The following PRKN variants were observed in gnomAD, a reference collection of about 807,000 sequenced individuals.
PRKN encodes the protein parkin RBR E3 ubiquitin protein ligase, also known as E3 ubiquitin-protein ligase parkin.
PRKN carries 56 observed loss-of-function variants against 59.5 expected under a neutral mutation model. The observed-to-expected ratio is 0.94, with a 90% CI of 0.76 to 1.18. The LOEUF (loss-of-function observed/expected upper bound fraction) is 1.18. PRKN is among the 50% of genes most tolerant of loss of function. PRKN has a pLI of 0.00. For synonymous variants in PRKN, 250 were observed against 222.1 expected (o/e 1.13, Z -1.12); for missense variants, 657 against 596.4 (o/e 1.10, Z -1.06).
At chr6:161,681,614 C>T (rs948726105) in intron 7 of PRKN, among the ~76,000 whole-genome samples, 2 of 152,190 alleles carry the variant, frequency 1.3e-5, no homozygotes, top group Non-Finnish European at 2.9e-5. Flanking sequence ...ATTATCCACA[C>T]TGTGCTTTGA....
At chr6:162,415,590 C>T (rs1247914991) in intron 2 of PRKN, among the ~76,000 whole-genome samples, 1 of 152,026 alleles carries the variant, frequency 6.6e-6, no homozygotes, top group Non-Finnish European at 1.5e-5. Context: ...GAGGGTGAAG[C>T]GGGTAGGTCA....
chr6:162,615,286 T>C (rs780643933), intron 1 of PRKN, among the ~76,000 whole-genome samples: 10 of 152,220 alleles, frequency 6.6e-5, no homozygotes, highest in Non-Finnish European at 1.2e-4. Context: ...TAATGTTCAC[T>C]AGTGCTTCTC....
chr6:161,630,821 T>G (rs536840945), intron 7 of PRKN, among the ~76,000 whole-genome samples: 1 of 152,322 alleles, frequency 6.6e-6, no homozygotes, highest in African/African-American at 2.4e-5. Flanking sequence ...AAAGGGCTTG[T>G]AAAAGACCAC....
At chr6:161,704,278 C>G (rs2089684078) in intron 7 of PRKN, among the ~76,000 whole-genome samples, 1 of 152,114 alleles carries the variant, frequency 6.6e-6, no homozygotes, top group South Asian at 2.1e-4. Flanking sequence ...TGTATTCTCT[C>G]CAGCTGTTGG....
At chr6:162,079,744 A>G (rs1396043329) in intron 4 of PRKN, among the ~76,000 whole-genome samples, 1 of 152,058 alleles carries the variant, frequency 6.6e-6, no homozygotes, top group African/African-American at 2.4e-5. Flanking sequence ...ATAAGGAAAC[A>G]TAGAGTTATG....
intron 1 of PRKN, among the ~76,000 whole-genome samples, chr6:162,598,702 A>T (rs563905227): frequency 1.3e-3 from 191 of 151,978 alleles, no homozygotes; most frequent in African/African-American, 4.5e-3. Flanking sequence ...AAAATACAAA[A>T]ATTAGCTGGG....
intron 7 of PRKN, among the ~76,000 whole-genome samples, chr6:161,782,569 T>C (rs1406859439): frequency 6.6e-6 from 1 of 152,152 alleles, no homozygotes; most frequent in African/African-American, 2.4e-5. Flanking sequence ...AATGGAAATA[T>C]TTTACATATT....
intron 1 of PRKN, among the ~76,000 whole-genome samples, chr6:162,692,928 C>T (rs2128235402): frequency 6.6e-6 from 1 of 152,238 alleles, no homozygotes; most frequent in East Asian, 1.9e-4. Flanking sequence ...TATTATCTGA[C>T]TCCTTGGTCA....
chr6:161,908,431 A>G (rs1778231401), intron 6 of PRKN, among the ~76,000 whole-genome samples: 1 of 152,170 alleles, frequency 6.6e-6, no homozygotes, highest in Admixed American at 6.5e-5. Context: ...AATTTTCTGA[A>G]CCTCCTGGAA....
In PRKN at chr6:161,816,194, T is replaced by C. The variant is rs78845438; in HGVS notation, c.735-30286A>G. Among the ~76,000 whole-genome samples, 14 of 152,146 alleles carry C rather than the reference T, an allele frequency of 9.2e-5. No individual in the cohort carries two copies. In the East Asian group the frequency reaches 2.7e-3, roughly 30 times the overall value. ...TACCAACGAGGAGGGAGCTGGGACA[T>C]ATGCAGCAGCATGCGTGAGTCTTAA... is the stretch of plus-strand genomic sequence containing the variant. On this transcript the variant is annotated intron_variant, in intron 6 of 11. Transcript: ENST00000366898.
chr6:162,638,208 A>G (rs1583958474), intron 1 of PRKN, among the ~76,000 whole-genome samples: 1 of 95,984 alleles, frequency 1.0e-5, no homozygotes, highest in South Asian at 3.0e-4. Flanking sequence ...TATTATCCCT[A>G]TGTTTATTAC....
chr6:161,712,890 A>T (rs143032454), intron 7 of PRKN, among the ~76,000 whole-genome samples: 1 of 152,234 alleles, frequency 6.6e-6, no homozygotes, highest in Non-Finnish European at 1.5e-5. Flanking sequence ...CTTGCCACAT[A>T]TACCAAGCAG....
At chr6:162,198,943 C>T (rs1419169309) in intron 4 of PRKN, among the ~76,000 whole-genome samples, 2 of 152,114 alleles carry the variant, frequency 1.3e-5, no homozygotes, top group East Asian at 1.9e-4. Flanking sequence ...TTTTTTCCCA[C>T]ACAAAGCATA....
chr6:161,458,790 C>T lies in PRKN; in HGVS notation c.1084-71913G>A, dbSNP rs1307269847. On this transcript the variant is annotated intron_variant, in intron 9 of 11. Transcript: ENST00000366898. This position sits in a 1 kb window ranked among gnomAD's most constrained non-coding sequence, Gnocchi z 6.1. ...TTAGGCTGTGGGTAGGCAAGCTTGTCAATGGAGAAATACTGACTTTGCCAG... is the reference window on the plus strand; with the variant it reads ...TTAGGCTGTGGGTAGGCAAGCTTGTTAATGGAGAAATACTGACTTTGCCAG... Among the ~76,000 whole-genome samples the T allele has an allele frequency of 1.3e-5, 2 of 152,088 alleles. No homozygotes were observed. Among genetic ancestry groups the T allele is most frequent in the Admixed American group, 1.3e-4 (2 of 15,274 alleles).
chr6:161,993,711 G>A (rs1188762176), intron 5 of PRKN, among the ~76,000 whole-genome samples: 1 of 152,148 alleles, frequency 6.6e-6, no homozygotes, highest in African/African-American at 2.4e-5. Context: ...ACCTGAGACT[G>A]GATAATTTAT....
chr6:162,053,961 A>G lies in PRKN; in HGVS notation c.618+130T>C, dbSNP rs1777753595. 1.3e-5 allele frequency: 10 copies of G among 773,724 alleles called. No individual in the cohort carries two copies. In the Admixed American group the frequency reaches 1.8e-4, roughly 14 times the overall value. The allele number at this position is 773,724 out of a possible 1,614,324, so 47.9% of individuals were successfully genotyped here. The stretch of plus-strand genomic sequence containing the variant: ...AATGTAATTAACCTATTTAAATATC[A>G]TAACACTTTTGGCAAACATTATTAG... On this transcript the variant is annotated intron_variant, in intron 5 of 11. Transcript: ENST00000366898.
chr6:162,473,149 T>C (rs1791840186), intron 1 of PRKN, among the ~76,000 whole-genome samples: 1 of 152,130 alleles, frequency 6.6e-6, no homozygotes, highest in African/African-American at 2.4e-5. Flanking sequence ...AATGCCTTGG[T>C]CATGTTATCT....
rs1381627654 is a variant in PRKN at position 161,774,381 on chromosome 6, AGCACACACACACACACAC to A, written c.871+11373_871+11390del. Among the ~76,000 whole-genome samples the A allele has an allele frequency of 1.6e-3, 145 of 89,166 alleles. 6 individuals carry two copies. In the South Asian group the frequency reaches 0.055, roughly 34 times the overall value. 58.5% of individuals were successfully genotyped at this position (89,166 alleles called of 152,430 possible). On this transcript the variant is annotated intron_variant, in intron 7 of 11. Transcript: ENST00000366898. ...CCTCCCCCATCCTTTCTACTCCCTG[AGCACACACACACACACAC>A]ACACACACACACACACACACACACA...
rs1270835439 is a variant in PRKN, at chr6:161,456,804, C to G, written c.1084-69927G>C. ...GCACATGACCCTTCCTCTTCCTCTT[C>G]CACCCACATGCCCAGAGAGCTCAGG... On this transcript the variant is annotated intron_variant, in intron 9 of 11. Transcript: ENST00000366898. This position sits in a 1 kb window ranked among gnomAD's most constrained non-coding sequence, Gnocchi z 4.8. 6.6e-6 allele frequency among the ~76,000 whole-genome samples: 1 copy of G among 152,170 alleles called. No individual in the cohort carries two copies. Among genetic ancestry groups the G allele is most frequent in the African/African-American group, 2.4e-5 (1 of 41,432 alleles).
Sources: gnomAD v4.1 joint callset for allele counts (sites outside exome capture counted in the v4.1 genomes callset) on GRCh38, gnomAD v4.1.1 for gene constraint, Gnocchi (gnomAD v3.1) non-coding constraint, MANE v1.5 for transcripts, NCBI Gene and HGNC (gene_info 2026-07-23, HGNC 2026-07-21) for gene names.